MARCHF8: variants seen among roughly 807,000 people sequenced by gnomAD.
MARCHF8 encodes the protein membrane associated ring-CH-type finger 8.
MARCHF8 carries 40 observed loss-of-function variants against 51.6 expected under a neutral mutation model. The ratio of observed to expected loss-of-function variants is 0.77; its 90% CI spans 0.60 to 1.01. The LOEUF (loss-of-function observed/expected upper bound fraction) is 1.01, where lower values mean the gene tolerates loss of function less well. Ranked by LOEUF, MARCHF8 falls within the 50% of genes least tolerant of loss-of-function variation. MARCHF8 has a pLI of 0.00. For synonymous variants in MARCHF8, 263 were observed against 280.3 expected (o/e 0.94, Z 0.62); for missense variants, 685 against 708.6 (o/e 0.97, Z 0.38).
upstream of MARCHF8, among the ~76,000 whole-genome samples, chr10:45,535,871 G>A (rs907384560): frequency 3.3e-5 from 5 of 152,110 alleles, no homozygotes; most frequent in African/African-American, 1.2e-4. Context: ...CACCTAACAT[G>A]AACATTCACA....
At chr10:45,581,252 C>T (rs1277756465) in intron 1 of MARCHF8, among the ~76,000 whole-genome samples, 5 of 152,066 alleles carry the variant, frequency 3.3e-5, no homozygotes, top group African/African-American at 1.2e-4. Flanking sequence ...CTACAATACA[C>T]AGAACAGTTC....
At chr10:45,526,249 A>T (rs1200038314) in intron 2 of MARCHF8, among the ~76,000 whole-genome samples, 1 of 152,188 alleles carries the variant, frequency 6.6e-6, no homozygotes, top group Non-Finnish European at 1.5e-5. Flanking sequence ...AAGCAACAGG[A>T]ATCACTGATC....
intron 3 of MARCHF8, among the ~76,000 whole-genome samples, chr10:45,480,176 A>C (rs952664239): frequency 2.6e-5 from 4 of 152,162 alleles, no homozygotes; most frequent in African/African-American, 9.7e-5. Context: ...CTGGAGGAAA[A>C]AATTTCTAAG....
At chr10:45,463,090 G>A (rs1314164752) in intron 5 of MARCHF8, 61 bp downstream of exon 5, 2 of 1,488,036 alleles carry the variant, frequency 1.3e-6, no homozygotes, top group Non-Finnish European at 9.0e-7. Context: ...ACATACTAAA[G>A]CAAGAGGAGG....
At chr10:45,555,221 C>T (rs184481858) in intron 1 of MARCHF8, among the ~76,000 whole-genome samples, 1 of 152,140 alleles carries the variant, frequency 6.6e-6, no homozygotes, top group Admixed American at 6.5e-5. Flanking sequence ...AAAAGCAACA[C>T]TCTTGTCTCA....
chr10:45,514,964 C>T (rs1288656538), intron 2 of MARCHF8, among the ~76,000 whole-genome samples: 1 of 152,140 alleles, frequency 6.6e-6, no homozygotes, highest in Non-Finnish European at 1.5e-5. Flanking sequence ...AGTAAAAGAT[C>T]AGTTCCTGCA....
intron 3 of MARCHF8, among the ~76,000 whole-genome samples, chr10:45,464,664 C>T (rs1253989143): frequency 6.6e-6 from 1 of 152,124 alleles, no homozygotes; most frequent in South Asian, 2.1e-4. Context: ...CATACAAATG[C>T]CAAAGAAATA....
rs369186521 is a variant in MARCHF8 at position 45,575,314 on chromosome 10, C to G, written c.-79+18921G>C. Among the ~76,000 whole-genome samples, 21 of 152,164 alleles carry G rather than the reference C, an allele frequency of 1.4e-4. No homozygotes were observed. The East Asian group carries it at 3.8e-3, about 28-fold the overall frequency. ...CTCCCCCACTGAAACTTCCACCTAT[C>G]AATCTCTTCCCACACAAGGCAAGGG... On this transcript the variant is annotated intron_variant, in intron 1 of 6. Transcript: ENST00000319836.
intron 2 of MARCHF8, among the ~76,000 whole-genome samples, chr10:45,498,083 C>T (rs995143281): frequency 2.6e-5 from 4 of 152,176 alleles, no homozygotes; most frequent in African/African-American, 9.7e-5. Context: ...TAAATTTTAA[C>T]AGCAATTCTA....
chr10:45,584,651 T>G (rs1439651327), intron 1 of MARCHF8, among the ~76,000 whole-genome samples: 1 of 152,072 alleles, frequency 6.6e-6, no homozygotes, highest in Non-Finnish European at 1.5e-5. Context: ...AAACACTAAT[T>G]TGAGTATAGC....
chr10:45,558,258 A>G (rs2044273533), intron 1 of MARCHF8, among the ~76,000 whole-genome samples: 1 of 152,180 alleles, frequency 6.6e-6, no homozygotes, highest in East Asian at 1.9e-4. Context: ...GCACCTAGAA[A>G]TCTCCAGGGG....
At chr10:45,508,506 T>A (rs751473295) in intron 2 of MARCHF8, among the ~76,000 whole-genome samples, 2 of 152,320 alleles carry the variant, frequency 1.3e-5, no homozygotes, top group East Asian at 3.9e-4. Context: ...ATCACTCTTA[T>A]GTTTTAAAAT....
chr10:45,468,308 G>A (rs1843038214), intron 3 of MARCHF8, among the ~76,000 whole-genome samples: 2 of 152,208 alleles, frequency 1.3e-5, no homozygotes, highest in South Asian at 4.1e-4. Flanking sequence ...AGCTATAGCA[G>A]TGTGTTTACC....
chr10:45,569,677 A>G (rs1223536504), intron 1 of MARCHF8, among the ~76,000 whole-genome samples: 1 of 152,152 alleles, frequency 6.6e-6, no homozygotes, highest in African/African-American at 2.4e-5. Flanking sequence ...AGATGACTCA[A>G]ATTTTTCGCT....
intron 2 of MARCHF8, among the ~76,000 whole-genome samples, chr10:45,528,035 G>A (rs2043820458): frequency 1.3e-5 from 2 of 152,124 alleles, no homozygotes; most frequent in Non-Finnish European, 2.9e-5. Context: ...AAAAGCATTT[G>A]ATAAAATTCA....
chr10:45,498,570 G>A (rs2043218956), intron 2 of MARCHF8, among the ~76,000 whole-genome samples: 1 of 151,978 alleles, frequency 6.6e-6, no homozygotes, highest in South Asian at 2.1e-4. Context: ...CTACCTCCTG[G>A]GTTCAAGCAA....
upstream of MARCHF8, among the ~76,000 whole-genome samples, chr10:45,540,124 C>T (rs1327163829): frequency 6.6e-6 from 1 of 152,110 alleles, no homozygotes; most frequent in African/African-American, 2.4e-5. Context: ...CCATACTGCC[C>T]AAGGTAATTT....
intron 1 of MARCHF8, among the ~76,000 whole-genome samples, chr10:45,591,835 A>G (rs10793620): frequency 0.31 from 47,401 of 151,910 alleles, 7,602 homozygotes; most frequent in Admixed American, 0.36. Context: ...GCCCTTATCC[A>G]CTTCTTTCCA....
intron 2 of MARCHF8, among the ~76,000 whole-genome samples, chr10:45,509,360 T>G (rs2043450960): frequency 6.6e-6 from 1 of 152,246 alleles, no homozygotes; most frequent in Admixed American, 6.5e-5. Flanking sequence ...CTTAAAGCTA[T>G]CTATAACTCA....
Sources: allele counts gnomAD v4.1 joint callset (sites outside exome capture counted in the v4.1 genomes callset), GRCh38; gene constraint gnomAD v4.1.1; transcripts MANE v1.5; gene names NCBI Gene and HGNC (gene_info 2026-07-23, HGNC 2026-07-21).